Variants in PRDM11 observed in about 807,000 individuals in gnomAD.
PRDM11 encodes the protein PR domain-containing protein 11.
PRDM11 carries 20 observed loss-of-function variants against 97.8 expected under a neutral mutation model. That is an observed-to-expected ratio of 0.20 (90% CI 0.14 to 0.30). The LOEUF is 0.30. PRDM11 is among the 10% of genes least tolerant of loss of function. The pLI is 1.00. For synonymous variants in PRDM11, 599 were observed against 637.7 expected, an observed-to-expected ratio of 0.94 and a Z score of 0.91; for missense variants, 1,139 against 1,555.2, an observed-to-expected ratio of 0.73 and a Z score of 4.50.
chr11:45,194,824 T>C (rs1853057132), intron 4 of PRDM11, among the ~76,000 whole-genome samples: 1 of 151,710 alleles, frequency 6.6e-6, no homozygotes, highest in Non-Finnish European at 1.5e-5. Flanking sequence ...GGTCTCGATC[T>C]CCTGACCTCG....
At chr11:45,119,523 G>A (rs1356659405) in intron 1 of PRDM11, among the ~76,000 whole-genome samples, 1 of 151,206 alleles carries the variant, frequency 6.6e-6, no homozygotes, top group Non-Finnish European at 1.5e-5. Context: ...CCAGCTACGC[G>A]GGAGGCTGAG....
chr11:45,228,231 TATATAAA>T lies in PRDM11; in HGVS notation c.*73_*79del. On this transcript the variant is annotated 3_prime_UTR_variant, in exon 8 of 8. Transcript: ENST00000683152. ...TCTATACTCATAAGCTTTGATATAT[TATATAAA>T]TATATATTATATTATATTATATTAT... 13 of 359,066 alleles carry T rather than the reference TATATAAA, an allele frequency of 3.6e-5. No homozygotes were observed. The highest frequency in any genetic ancestry group is 5.0e-5 in the Non-Finnish European group (13 of 261,802). The allele number at this position is 359,066 out of a possible 1,614,324, so 22.2% of individuals were successfully genotyped here. A position where few individuals can be genotyped will look rare whatever the true frequency, so the allele number is the denominator to read the frequency against.
At chr11:45,129,178 C>T (rs1852659892) in intron 1 of PRDM11, among the ~76,000 whole-genome samples, 2 of 152,110 alleles carry the variant, frequency 1.3e-5, no homozygotes, top group South Asian at 2.1e-4. Context: ...AGGATATCTA[C>T]AAAAACCCTT....
chr11:45,206,040 A>T (rs1430785913), intron 5 of PRDM11, among the ~76,000 whole-genome samples: 1 of 152,158 alleles, frequency 6.6e-6, no homozygotes, highest in African/African-American at 2.4e-5. Context: ...AAGTGGCCCC[A>T]GGGAGGTGGC....
intron 5 of PRDM11, among the ~76,000 whole-genome samples, chr11:45,211,561 T>C (rs1358317645): frequency 2.5e-5 from 3 of 120,750 alleles, no homozygotes; most frequent in Non-Finnish European, 3.9e-5. Flanking sequence ...GTGACTGAAC[T>C]GGAAGCCTGC....
intron 6 of PRDM11, among the ~76,000 whole-genome samples, chr11:45,223,325 G>A (rs1271157131): frequency 1.3e-5 from 2 of 152,268 alleles, no homozygotes; most frequent in South Asian, 4.1e-4. Flanking sequence ...TTAAAAACAA[G>A]GAATCAGTCT....
chr11:45,210,086 C>T lies in PRDM11; in HGVS notation c.554+5308C>T, dbSNP rs1304010202. 5.3e-5 allele frequency among the ~76,000 whole-genome samples: 8 copies of T among 152,262 alleles called. No individual in the cohort carries two copies. In the South Asian group the frequency reaches 8.3e-4, roughly 16 times the overall value. Reference sequence around the variant, plus strand: ...GCGGGGGAGGGGGCTGGAGACGAGGCGGCCAAGCTGTGAAGGCCCGGGCCG... The same window carrying T: ...GCGGGGGAGGGGGCTGGAGACGAGGTGGCCAAGCTGTGAAGGCCCGGGCCG... On this transcript the variant is annotated intron_variant, in intron 5 of 7. Transcript: ENST00000683152.
chr11:45,119,625 A>G (rs75134234), intron 1 of PRDM11, among the ~76,000 whole-genome samples: 2 of 129,418 alleles, frequency 1.5e-5, no homozygotes, highest in African/African-American at 2.6e-5. Flanking sequence ...GTCTCAAAAA[A>G]AAAAAAAAAA....
chr11:45,178,073 A>G (rs148788725), intron 1 of PRDM11, among the ~76,000 whole-genome samples: 1 of 152,106 alleles, frequency 6.6e-6, no homozygotes, highest in Non-Finnish European at 1.5e-5. Context: ...ATGATTTAAG[A>G]CAGGAAAACG....
rs893280419 is a variant in PRDM11 at position 45,111,243 on chromosome 11, C to T, written c.96+15342C>T. On this transcript the variant is annotated intron_variant, in intron 1 of 6. Transcript: ENST00000530656. ...CCACCCTGTCCCTCCACCACTTCCC[C>T]TCCCATCTCTCTCCCAGCATGTCTC... 3.4e-5 allele frequency among the ~76,000 whole-genome samples: 4 copies of T among 116,252 alleles called. 2 individuals are homozygous for T. The highest frequency in any genetic ancestry group is 9.0e-5 in the Non-Finnish European group (4 of 44,454). The allele number at this position is 116,252 out of a possible 152,430, so 76.3% of individuals were successfully genotyped here.
chr11:45,117,344 C>A (rs1195857502), intron 1 of PRDM11, among the ~76,000 whole-genome samples: 3 of 151,948 alleles, frequency 2.0e-5, no homozygotes, highest in Admixed American at 1.3e-4. Context: ...ATCCATAAGT[C>A]CATACTGATA....
At chr11:45,112,829 GC>G (rs1483979911) in intron 1 of PRDM11, among the ~76,000 whole-genome samples, 7 of 151,746 alleles carry the variant, frequency 4.6e-5, no homozygotes, top group African/African-American at 1.7e-4. Context: ...TAATTTGACT[GC>G]CTTGCAGATT....
intron 4 of PRDM11, among the ~76,000 whole-genome samples, chr11:45,195,463 G>T (rs1265300772): frequency 1.3e-5 from 2 of 151,942 alleles, no homozygotes; most frequent in African/African-American, 4.8e-5. Context: ...TCATATAAAT[G>T]AGATTATGTA....
At chr11:45,143,945 G>A (rs1565258719), upstream of PRDM11, among the ~76,000 whole-genome samples, 2 of 152,112 alleles carry the variant, frequency 1.3e-5, no homozygotes, top group Admixed American at 6.5e-5. Context: ...GGGAAACTGA[G>A]GCACTGCCTC....
At chr11:45,099,475 A>AAT (rs1227227882) in intron 1 of PRDM11, among the ~76,000 whole-genome samples, 7 of 147,106 alleles carry the variant, frequency 4.8e-5, no homozygotes, top group African/African-American at 1.3e-4. Flanking sequence ...AAAAAAAAAA[A>AAT]TCACAGGCTC....
At chr11:45,172,982 G>A (rs1417243283) in intron 1 of PRDM11, among the ~76,000 whole-genome samples, 1 of 152,168 alleles carries the variant, frequency 6.6e-6, no homozygotes, top group Non-Finnish European at 1.5e-5. Flanking sequence ...TTGCAACAAT[G>A]GCTGTGTGCT....
chr11:45,163,447 G>T (rs962866708), intron 1 of PRDM11, among the ~76,000 whole-genome samples: 4 of 151,896 alleles, frequency 2.6e-5, no homozygotes, highest in Non-Finnish European at 5.9e-5. Flanking sequence ...CTGCTCAGGT[G>T]GCCCCTGTGT....
intron 5 of PRDM11, among the ~76,000 whole-genome samples, chr11:45,215,420 C>T (rs1414922958): frequency 6.6e-6 from 1 of 152,222 alleles, no homozygotes; most frequent in Non-Finnish European, 1.5e-5. Flanking sequence ...GGAGGACTAC[C>T]CAATTTCCGA....
chr11:45,094,764 G>A (rs150597126), upstream of PRDM11, among the ~76,000 whole-genome samples: 29 of 141,050 alleles, frequency 2.1e-4, no homozygotes, highest in South Asian at 1.7e-3. Flanking sequence ...AGAAAGGGAG[G>A]GAAGGAATAG....
Sources: gnomAD v4.1 joint callset for allele counts (sites outside exome capture counted in the v4.1 genomes callset) on GRCh38, gnomAD v4.1.1 for gene constraint, MANE v1.5 for transcripts, NCBI Gene and HGNC (gene_info 2026-07-23, HGNC 2026-07-21) for gene names.